The following TEX35 variants were observed in gnomAD, a reference collection of about 807,000 sequenced individuals.
TEX35 encodes testis expressed 35, also known as testis-expressed protein 35.
Under a neutral mutation model 31.9 loss-of-function variants are expected in TEX35, and 26 were observed. That is an observed-to-expected ratio of 0.81 (90% CI 0.60 to 1.13). TEX35 has a LOEUF of 1.13. Among genes scored for constraint, TEX35 ranks in the 50% most tolerant of loss-of-function variants. TEX35 has a pLI of 0.00. For missense variants in TEX35, 278 were observed against 273.5 expected (o/e 1.02, Z -0.12); for synonymous variants, 87 against 90.7 (o/e 0.96, Z 0.23).
Position 178,513,930 on chromosome 1 carries a change from TG to T in TEX35, c.40-91del, listed in dbSNP as rs1197954204. The T allele has an allele frequency of 5.6e-6, 8 of 1,437,688 alleles. No individual in the cohort carries two copies. In the East Asian group the frequency reaches 9.1e-5, roughly 16 times the overall value. The allele number at this position is 1,437,688 out of a possible 1,614,324, so 89.1% of individuals were successfully genotyped here. On this transcript the variant is annotated intron_variant, in intron 1 of 8. Transcript: ENST00000319416. ...TTGGACAGGCAGGGTTGCATGGTTG[TG>T]GGGGGCAGGGGGCAGGGTTCCCGTG...
chr1:178,519,123 G>A (rs1296978635), intron 5 of TEX35, among the ~76,000 whole-genome samples: 1 of 152,164 alleles, frequency 6.6e-6, no homozygotes, highest in Non-Finnish European at 1.5e-5. Context: ...TTTGCAAGGC[G>A]GCCTGGGTGG....
chr1:178,513,395 C>T, intron 1 of TEX35, 168 bp downstream of exon 1: 1 of 929,326 alleles, frequency 1.1e-6, no homozygotes, highest in South Asian at 1.6e-5. Context: ...TGGGATTAAT[C>T]CCTAGCCTTG....
downstream of TEX35, chr1:178,522,691 T>C (rs1317179580): frequency 8.4e-7 from 1 of 1,190,284 alleles, no homozygotes; most frequent in Non-Finnish European, 1.0e-6. Context: ...ATTTTGTGGG[T>C]TCATAGTAGG....
At chr1:178,514,232 C>G (rs1649986326) in intron 2 of TEX35, 155 bp downstream of exon 2, 5 of 1,547,396 alleles carry the variant, frequency 3.2e-6, no homozygotes, top group South Asian at 2.4e-5. Flanking sequence ...GAACTTCACA[C>G]TGTAACCAAT....
chr1:178,523,157 C>A, downstream of TEX35: 1 of 539,990 alleles, frequency 1.9e-6, no homozygotes, highest in Non-Finnish European at 3.3e-6. Flanking sequence ...CTGAATAGAA[C>A]TCAATTGTGT....
chr1:178,520,300 CAGAG>C, intron 5 of TEX35, 68 bp from the exon 6 acceptor site: 1 of 1,470,212 alleles, frequency 6.8e-7, no homozygotes, highest in East Asian at 2.3e-5. Flanking sequence ...GAATGGTTTG[CAGAG>C]AGGCAGGAGG....
At chr1:178,521,184 G>A in intron 7 of TEX35, 38 bp from the exon 8 acceptor site, 1 of 1,614,154 alleles carries the variant, frequency 6.2e-7, no homozygotes, top group Non-Finnish European at 8.5e-7. Context: ...TGGACCAGGG[G>A]AAATTGATCT....
At chr1:178,521,786 G>A in intron 8 of TEX35, 1 of 1,549,486 alleles carries the variant, frequency 6.5e-7, no homozygotes, top group East Asian at 2.4e-5. Flanking sequence ...CTCCACTGGA[G>A]ATTAAAAACC....
chr1:178,522,156 G>A, intron 8 of TEX35, 169 bp from the exon 9 acceptor site: 1 of 939,096 alleles, frequency 1.1e-6, no homozygotes, highest in Non-Finnish European at 1.5e-6. Flanking sequence ...GGTGATGCAG[G>A]GAACCCCTCA....
chr1:178,515,856 C>G lies in TEX35; in HGVS notation c.160-3C>G. ...CCTTCTCTTCTCCATTTTATTTCCTCAGAATGAACTCAGGGAAGTGAGAGA... is the reference window on the plus strand; with the variant it reads ...CCTTCTCTTCTCCATTTTATTTCCTGAGAATGAACTCAGGGAAGTGAGAGA... On this transcript the variant is annotated splice_polypyrimidine_tract_variant and splice_region_variant and intron_variant, in intron 3 of 8. Coordinates refer to ENST00000319416, the MANE Select transcript of TEX35 (RefSeq NM_032126.5). The G allele has an allele frequency of 2.5e-6, 4 of 1,610,000 alleles. No individual in the cohort carries two copies. In the South Asian group the frequency reaches 4.4e-5, roughly 18 times the overall value.
chr1:178,514,904 A>T (rs1054248650), intron 3 of TEX35, 136 bp downstream of exon 3: 1 of 720,542 alleles, frequency 1.4e-6, no homozygotes, highest in African/African-American at 1.8e-5. Flanking sequence ...AAAATCCAGA[A>T]GTTAACACAC....
chr1:178,521,712 C>T, intron 8 of TEX35: 1 of 1,551,866 alleles, frequency 6.4e-7, no homozygotes, highest in East Asian at 2.4e-5. Flanking sequence ...TTCATCACCT[C>T]CAAGCTCCTT....
At chr1:178,516,288 A>G (rs1650074907) in intron 4 of TEX35, among the ~76,000 whole-genome samples, 1 of 152,234 alleles carries the variant, frequency 6.6e-6, no homozygotes, top group African/African-American at 2.4e-5. Context: ...TCTATGATAC[A>G]ACCAACCAAC....
At chr1:178,521,588 C>A in intron 8 of TEX35, 3 of 1,542,170 alleles carry the variant, frequency 1.9e-6, no homozygotes, top group South Asian at 1.2e-5. Flanking sequence ...TCTGGGCACC[C>A]TTTTCACCCT....
In TEX35 at chr1:178,520,816, C is replaced by T. The variant is rs761596517; in HGVS notation, c.485C>T (p.Ala162Val). The T allele has an allele frequency of 8.1e-6, 13 of 1,614,178 alleles. No individual in the cohort carries two copies. Among genetic ancestry groups the T allele is most frequent in the Non-Finnish European group, 1.1e-5 (13 of 1,180,030 alleles). Residue 162 changes from alanine (A) to valine (V), a missense_variant, in exon 7 of 9, where the codon GCA becomes GTA. Physicochemically the swap from Ala to Val is moderately conservative, Grantham distance 64. Coordinates refer to ENST00000319416, the MANE Select transcript of TEX35 (RefSeq NM_032126.5). ...APCALHKKTM[A>V]PQKTKQGSLD... Reference sequence around the variant, plus strand: ...TGTGCTCTTCACAAGAAGACGATGGCACCACAAAAAACAAAACAGGGCTCA... The same window carrying T: ...TGTGCTCTTCACAAGAAGACGATGGTACCACAAAAAACAAAACAGGGCTCA...
rs746564971 is a variant in TEX35, at chr1:178,513,205, C to A, written c.17C>A (p.Ala6Glu). Residue 6 changes from alanine to glutamate, a missense_variant, in exon 1 of 9, where the codon GCA becomes GAA. Ala to Glu is a moderately radical substitution (Grantham distance 107). Coordinates refer to ENST00000319416, the MANE Select transcript of TEX35 (RefSeq NM_032126.5). Reference protein sequence around the residue: MSAKRAELKKTHLSKN... With the variant: MSAKREELKKTHLSKN... ...TCCTCCATCATGTCGGCCAAGAGGG[C>A]AGAATTGAAGAAAACACATCTGGTA... The A allele has an allele frequency of 9.3e-6, 15 of 1,614,084 alleles. No homozygotes were observed. The African/African-American group carries it at 1.7e-4, about 19-fold the overall frequency.
In TEX35 at chr1:178,513,915, A is replaced by G. The variant is rs1039431561; in HGVS notation, c.40-112A>G. ...CTGAGCTCAAGCCAGTTGGACAGGC[A>G]GGGTTGCATGGTTGTGGGGGGCAGG... is the stretch of plus-strand genomic sequence containing the variant. On this transcript the variant is annotated intron_variant, in intron 1 of 8. Coordinates refer to ENST00000319416, the MANE Select transcript of TEX35 (RefSeq NM_032126.5). 8 of 1,265,196 alleles carry G rather than the reference A, an allele frequency of 6.3e-6. No homozygotes were observed. The African/African-American group carries it at 8.9e-5, about 14-fold the overall frequency. The allele number at this position is 1,265,196 out of a possible 1,614,324, so 78.4% of individuals were successfully genotyped here.
chr1:178,516,032 C>A, intron 4 of TEX35, 117 bp downstream of exon 4: 1 of 829,522 alleles, frequency 1.2e-6, no homozygotes, highest in Admixed American at 2.2e-5. Flanking sequence ...GTAACTCAGT[C>A]CTAATACCCA....
chr1:178,513,628 G>A (rs1187814859), intron 1 of TEX35, among the ~76,000 whole-genome samples: 3 of 152,262 alleles, frequency 2.0e-5, no homozygotes, highest in African/African-American at 7.2e-5. Flanking sequence ...GAGAGGCTAA[G>A]CAACTCACCC....
Sources: gnomAD v4.1 joint callset for allele counts (sites outside exome capture counted in the v4.1 genomes callset) on GRCh38, gnomAD v4.1.1 for gene constraint, MANE v1.5 for transcripts, NCBI Gene and HGNC (gene_info 2026-07-23, HGNC 2026-07-21) for gene names.